The following NUTF2 variants were observed in gnomAD, a reference collection of about 807,000 sequenced individuals.
NUTF2 encodes placental protein 15.
Under a neutral mutation model 18.5 loss-of-function variants are expected in NUTF2, and 3 were observed. That is an observed-to-expected ratio of 0.16 (90% CI 0.07 to 0.42). NUTF2 has a LOEUF of 0.42. NUTF2 is among the 10% of genes least tolerant of loss of function. NUTF2 has a pLI of 0.99. For missense variants in NUTF2, 44 were observed against 160.7 expected, an observed-to-expected ratio of 0.27 and a Z score of 3.93; for synonymous variants, 51 against 57.9, an observed-to-expected ratio of 0.88 and a Z score of 0.54.
chr16:67,869,532 T>C (rs1261611005), intron 4 of NUTF2, among the ~76,000 whole-genome samples: 6 of 150,060 alleles, frequency 4.0e-5, no homozygotes, highest in Non-Finnish European at 8.9e-5. Flanking sequence ...ACGCCTGTAA[T>C]CCCAGCACTT....
intron 2 of NUTF2, among the ~76,000 whole-genome samples, chr16:67,866,528 C>T (rs1198721353): frequency 2.6e-5 from 4 of 151,782 alleles, no homozygotes; most frequent in African/African-American, 9.7e-5. Flanking sequence ...TGCAGTGGTG[C>T]AATCTTGGCT....
rs559029215 is a variant in NUTF2 at position 67,859,988 on chromosome 16, C to CT, written c.-29-5105dup. On this transcript the variant is annotated intron_variant, in intron 1 of 4. Transcript: ENST00000219169. Reference sequence around the variant, plus strand: ...CAGATATTTTATTATTTTTTTTTTTCTTTTTTTTTGAGATGGAGTCTGGCT... The same window carrying CT: ...CAGATATTTTATTATTTTTTTTTTTCTTTTTTTTTTGAGATGGAGTCTGGCT... 9.7e-3 allele frequency among the ~76,000 whole-genome samples: 1,392 copies of CT among 143,568 alleles called. 14 individuals are homozygous for CT. Among genetic ancestry groups the CT allele is most frequent in the Non-Finnish European group, 0.014 (909 of 65,236 alleles). 94.2% of individuals were successfully genotyped at this position (143,568 alleles called of 152,430 possible).
intron 1 of NUTF2, among the ~76,000 whole-genome samples, chr16:67,850,139 G>A (rs897422111): frequency 6.6e-6 from 1 of 151,444 alleles, no homozygotes; most frequent in African/African-American, 2.4e-5. Context: ...CTTCTCCAAC[G>A]TTACTCAAGA....
chr16:67,868,320 G>A lies in NUTF2; in HGVS notation c.100-20G>A, dbSNP rs1020656292. ...TGTACTCTGAGGCCCCAACCCTGGGGTTTCCTGTGCCTTTTTCAGATTGAC... is the reference window on the plus strand; with the variant it reads ...TGTACTCTGAGGCCCCAACCCTGGGATTTCCTGTGCCTTTTTCAGATTGAC... On this transcript the variant is annotated intron_variant, in intron 2 of 4. Transcript: ENST00000219169. The A allele has an allele frequency of 1.8e-5, 29 of 1,612,010 alleles. No homozygotes were observed. The highest frequency in any genetic ancestry group is 2.3e-5 in the Non-Finnish European group (27 of 1,178,432).
At chr16:67,865,819 A>G (rs1347905331) in intron 2 of NUTF2, among the ~76,000 whole-genome samples, 1 of 151,480 alleles carries the variant, frequency 6.6e-6, no homozygotes, top group African/African-American at 2.4e-5. Context: ...CCTGGGTTCA[A>G]GTGATTCTCC....
chr16:67,849,732 C>A (rs2057838732), intron 1 of NUTF2, among the ~76,000 whole-genome samples: 1 of 151,980 alleles, frequency 6.6e-6, no homozygotes, highest in African/African-American at 2.4e-5. Context: ...GATCTCTGCT[C>A]ATTGCAAGCT....
At chr16:67,851,731 C>A (rs1021784660) in intron 1 of NUTF2, among the ~76,000 whole-genome samples, 1 of 151,116 alleles carries the variant, frequency 6.6e-6, no homozygotes, top group East Asian at 2.0e-4. Flanking sequence ...AATTTCAGAA[C>A]AAGTCTGGGC....
intron 1 of NUTF2, among the ~76,000 whole-genome samples, chr16:67,850,073 T>G (rs1015438497): frequency 6.6e-6 from 1 of 152,128 alleles, no homozygotes; most frequent in African/African-American, 2.4e-5. Context: ...ATTACAGATG[T>G]GAACAATTGC....
At chr16:67,858,066 G>A (rs943164480) in intron 1 of NUTF2, among the ~76,000 whole-genome samples, 1 of 152,236 alleles carries the variant, frequency 6.6e-6, no homozygotes, top group Non-Finnish European at 1.5e-5. Flanking sequence ...TTGTCAGGGA[G>A]ATAGACCGTA....
chr16:67,872,437 T>G lies in NUTF2; in HGVS notation c.*1524T>G, dbSNP rs1461015870. On this transcript the variant is annotated 3_prime_UTR_variant, in exon 5 of 5. Transcript: ENST00000219169. ...AGTGGGAATGATCTCTAGGCTGATG[T>G]GTATTTGGGGAAGTGGGGGTGGGGA... The G allele has an allele frequency of 6.6e-6, 1 of 152,208 alleles. No homozygotes were observed. Among genetic ancestry groups the G allele is most frequent in the Admixed American group, 6.5e-5 (1 of 15,270 alleles). 9.4% of individuals were successfully genotyped at this position (152,208 alleles called of 1,614,324 possible).
At chr16:67,862,679 A>G (rs1034591218) in intron 1 of NUTF2, among the ~76,000 whole-genome samples, 4 of 152,188 alleles carry the variant, frequency 2.6e-5, no homozygotes, top group African/African-American at 9.7e-5. Context: ...TACAGAAAAC[A>G]CAAAAAGCAG....
chr16:67,861,701 TAGG>T (rs2057936431), intron 1 of NUTF2, among the ~76,000 whole-genome samples: 1 of 152,206 alleles, frequency 6.6e-6, no homozygotes, highest in African/African-American at 2.4e-5. Context: ...ACAAGAGCTG[TAGG>T]AGAAGCTGTC....
At chr16:67,858,622 G>T (rs1022297133) in intron 1 of NUTF2, among the ~76,000 whole-genome samples, 1 of 152,216 alleles carries the variant, frequency 6.6e-6, no homozygotes, top group African/African-American at 2.4e-5. Context: ...AACAGACTCA[G>T]CATGTTCCAG....
At chr16:67,860,343 C>T (rs1232903245) in intron 1 of NUTF2, among the ~76,000 whole-genome samples, 1 of 152,142 alleles carries the variant, frequency 6.6e-6, no homozygotes, top group Non-Finnish European at 1.5e-5. Context: ...GGTAAGTTCA[C>T]AGCTCACTGT....
At position 67,852,090 on chromosome 16, in the gene NUTF2, G is replaced by A. The variant is rs187794943; in HGVS notation, c.-30+5105G>A. ...GGATTCAGCACCAGCTCTGAAGCTGGAGCATTGCTTGAGGCCAGGAGTTCA... is the reference window on the plus strand; with the variant it reads ...GGATTCAGCACCAGCTCTGAAGCTGAAGCATTGCTTGAGGCCAGGAGTTCA... On this transcript the variant is annotated intron_variant, in intron 1 of 4. Transcript: ENST00000219169. 7.1e-4 allele frequency among the ~76,000 whole-genome samples: 108 copies of A among 152,144 alleles called. 1 individual carries two copies. Among genetic ancestry groups the A allele is most frequent in the South Asian group, 4.6e-3 (22 of 4,822 alleles).
At chr16:67,867,034 C>T (rs534280736) in intron 2 of NUTF2, among the ~76,000 whole-genome samples, 104 of 151,564 alleles carry the variant, frequency 6.9e-4, no homozygotes, top group African/African-American at 2.5e-3. Context: ...TGCATTCATG[C>T]GATTTTGGCT....
At chr16:67,849,634 C>A (rs2057837958) in intron 1 of NUTF2, among the ~76,000 whole-genome samples, 2 of 150,522 alleles carry the variant, frequency 1.3e-5, no homozygotes, top group Non-Finnish European at 3.0e-5. Context: ...AGCCACTGAT[C>A]CCGGCCTAAT....
chr16:67,863,163 A>G (rs1291540729), intron 1 of NUTF2, among the ~76,000 whole-genome samples: 1 of 152,238 alleles, frequency 6.6e-6, no homozygotes, highest in Non-Finnish European at 1.5e-5. Flanking sequence ...CCAAGACCAC[A>G]GTGAAGACTA....
chr16:67,863,215 T>C (rs1467005099), intron 1 of NUTF2, among the ~76,000 whole-genome samples: 1 of 152,216 alleles, frequency 6.6e-6, no homozygotes, highest in Non-Finnish European at 1.5e-5. Flanking sequence ...ATTTCTTTCT[T>C]GGCAGAGTAT....
Sources: allele counts gnomAD v4.1 joint callset (sites outside exome capture counted in the v4.1 genomes callset), GRCh38; gene constraint gnomAD v4.1.1; transcripts MANE v1.5; gene names NCBI Gene and HGNC (gene_info 2026-07-23, HGNC 2026-07-21).